The following DNAH5 variants were observed in gnomAD, a reference collection of about 807,000 sequenced individuals.
DNAH5 encodes dynein axonemal heavy chain 5.
In DNAH5, 372 loss-of-function variants were observed where a neutral mutation model predicts 518.2. The observed-to-expected ratio is 0.72, with a 90% CI of 0.66 to 0.78. The LOEUF is 0.78. Ranked by LOEUF, DNAH5 falls within the 30% of genes least tolerant of loss-of-function variation. The probability of loss-of-function intolerance (pLI) is 0.00; values close to 1 mark genes in which losing one functional copy is unlikely to be tolerated. For synonymous variants in DNAH5, 2,039 were observed against 2,025.9 expected (o/e 1.01, Z -0.17); for missense variants, 5,523 against 5,687.0 (o/e 0.97, Z 0.93).
intron 19 of DNAH5, among the ~76,000 whole-genome samples, chr5:13,883,304 T>C (rs1188532333): frequency 1.3e-5 from 2 of 152,092 alleles, no homozygotes; most frequent in Non-Finnish European, 2.9e-5. Flanking sequence ...TTTTTTGCTG[T>C]TTACAGCTTC....
intron 78 of DNAH5, among the ~76,000 whole-genome samples, chr5:13,698,049 T>C (rs138797871): frequency 2.6e-5 from 4 of 152,342 alleles, no homozygotes; most frequent in Admixed American, 2.0e-4. Flanking sequence ...GCCAGTGAGA[T>C]AGTTATTGCA....
chr5:13,898,502 T>A (rs1774183930), intron 15 of DNAH5: 3 of 398,446 alleles, frequency 7.5e-6, no homozygotes, highest in Non-Finnish European at 1.3e-5. Context: ...CCAATACAAC[T>A]TTTTAATATG....
At chr5:13,795,218 G>C (rs750064902) in intron 47 of DNAH5, among the ~76,000 whole-genome samples, 7 of 152,034 alleles carry the variant, frequency 4.6e-5, no homozygotes, top group Non-Finnish European at 8.8e-5. Flanking sequence ...AACTGAAAGA[G>C]ACAGACACAC....
rs764618944 is a variant in DNAH5 at position 13,762,870 on chromosome 5, A to G, written c.10133T>C (p.Val3378Ala). 2 of 1,613,882 alleles carry G rather than the reference A, an allele frequency of 1.2e-6. No individual in the cohort carries two copies. The highest frequency in any genetic ancestry group is 1.7e-6 in the Non-Finnish European group (2 of 1,179,828). The change falls in exon 60 of 79, where the codon GTG becomes GCG. Residue 3378 changes from valine (V) to alanine (A), a missense_variant. Around this residue, in one of 3 missense-constraint regions of DNAH5, gnomAD observed 5,121 missense variants for 5,223.3 expected, o/e 0.98. Coordinates refer to ENST00000265104, the MANE Select transcript of DNAH5 (RefSeq NM_001369.3). Reference sequence around the variant, plus strand: ...AAAGTAAGGACTCAAAAATTCTATCACCTCTTCATTGATTGTGTCTTTTGG... The same window carrying G: ...AAAGTAAGGACTCAAAAATTCTATCGCCTCTTCATTGATTGTGTCTTTTGG... ...QFPKDTINEE[V>A]IEFLSPYFEM...
intron 75 of DNAH5, among the ~76,000 whole-genome samples, chr5:13,712,271 A>G (rs1197082340): frequency 1.3e-5 from 2 of 152,228 alleles, no homozygotes; most frequent in African/African-American, 4.8e-5. Flanking sequence ...AACCACATGT[A>G]TAAGAATAAA....
chr5:13,814,922 T>C (rs1761254228), intron 42 of DNAH5, 76 bp from the exon 43 acceptor site: 2 of 1,343,836 alleles, frequency 1.5e-6, no homozygotes, highest in Non-Finnish European at 2.1e-6. Flanking sequence ...TTAAAATAGC[T>C]TGAAGAACTA....
chr5:13,734,048 G>A (rs528365108), intron 68 of DNAH5, among the ~76,000 whole-genome samples: 2 of 152,088 alleles, frequency 1.3e-5, no homozygotes, highest in South Asian at 2.1e-4. Flanking sequence ...CAATTCTGAC[G>A]GTCCTGGGAG....
At chr5:13,729,333 G>T in intron 69 of DNAH5, 106 bp downstream of exon 69, 1 of 1,469,766 alleles carries the variant, frequency 6.8e-7, no homozygotes, top group Non-Finnish European at 9.5e-7. Flanking sequence ...CATTTTAAGA[G>T]TGACAATATT....
Position 13,814,804 on chromosome 5 carries a change from A to T in DNAH5, c.7031T>A (p.Ile2344Asn). ...WIILDGPVDA[I>N]WIENLNSVLD... The stretch of plus-strand genomic sequence containing the variant: ...AACAGAATTCAGATTTTCAATCCAG[A>T]TGGCATCTACTGGACCATCAAGAAT... The change falls in exon 43 of 79, where the codon ATC (isoleucine) becomes AAC (asparagine). Residue 2344 changes from isoleucine to asparagine, a missense_variant. By Grantham distance (149) the Ile-to-Asn change is moderately radical (BLOSUM62 -3). Transcript: ENST00000265104. The T allele has an allele frequency of 1.2e-6, 2 of 1,613,920 alleles. No homozygotes were observed. The highest frequency in any genetic ancestry group is 1.7e-6 in the Non-Finnish European group (2 of 1,179,918).
intron 1 of DNAH5, among the ~76,000 whole-genome samples, chr5:13,931,723 T>C (rs1778445622): frequency 6.6e-6 from 1 of 152,228 alleles, no homozygotes; most frequent in South Asian, 2.1e-4. Context: ...TCTTTAACTA[T>C]CAATTGTTAA....
intron 1 of DNAH5, among the ~76,000 whole-genome samples, chr5:13,993,889 T>C (rs912173653): frequency 3.9e-5 from 6 of 152,188 alleles, no homozygotes; most frequent in Non-Finnish European, 8.8e-5. Flanking sequence ...CCTCCAGCTG[T>C]GACCTTCCTC....
At chr5:13,815,266 C>T (rs532038044) in intron 42 of DNAH5, among the ~76,000 whole-genome samples, 13 of 152,040 alleles carry the variant, frequency 8.6e-5, no homozygotes, top group African/African-American at 2.2e-4. Context: ...ATAAGGTGGT[C>T]GATAAGATAT....
At chr5:13,833,511 T>TAAC (rs1333664445) in intron 35 of DNAH5, among the ~76,000 whole-genome samples, 1 of 150,184 alleles carries the variant, frequency 6.7e-6, no homozygotes, top group Non-Finnish European at 1.5e-5. Context: ...ATAATAATAA[T>TAAC]AACAAACATT....
At chr5:13,845,102 A>G in intron 31 of DNAH5, 109 bp from the exon 32 acceptor site, 1 of 1,079,230 alleles carries the variant, frequency 9.3e-7, no homozygotes, top group South Asian at 1.4e-5. Context: ...ACTTGTGACA[A>G]TCTGATTTTC....
At chr5:13,797,398 T>C (rs1281813183) in intron 47 of DNAH5, among the ~76,000 whole-genome samples, 2 of 152,106 alleles carry the variant, frequency 1.3e-5, no homozygotes, top group Admixed American at 6.5e-5. Context: ...GCAAAGGATA[T>C]GGATAGACAC....
At chr5:13,759,941 A>G (rs1751550499) in intron 60 of DNAH5, among the ~76,000 whole-genome samples, 1 of 152,228 alleles carries the variant, frequency 6.6e-6, no homozygotes, top group South Asian at 2.1e-4. Flanking sequence ...ATTTTGGCAG[A>G]ATAAATCTTT....
At chr5:13,787,208 A>C (rs1756176918) in intron 51 of DNAH5, among the ~76,000 whole-genome samples, 1 of 152,144 alleles carries the variant, frequency 6.6e-6, no homozygotes. Flanking sequence ...TGTTTCAAAA[A>C]AAAAAAAAAG....
At position 13,793,567 on chromosome 5, in the gene DNAH5, G is replaced by A; in HGVS notation, c.8172C>T (p.Phe2724=). ...AGGGCAACGTGCAATTAAATATAGA[G>A]AACTGCCTCTTGAGTCTTTGGGGTA... ...NDIPQRLKRQ[F]SIFNCTLPSE... The change falls in exon 49 of 79, where the codon TTC becomes TTT. Residue 2724 remains phenylalanine, a synonymous_variant. Transcript: ENST00000265104. The A allele has an allele frequency of 6.2e-7, 1 of 1,614,092 alleles. No homozygotes were observed. The highest frequency in any genetic ancestry group is 2.2e-5 in the East Asian group (1 of 44,872).
At chr5:13,921,750 A>ACC (rs70964521) in intron 5 of DNAH5, among the ~76,000 whole-genome samples, 40,837 of 133,944 alleles carry the variant, frequency 0.3, 6,905 homozygotes, top group African/African-American at 0.35. Context: ...GCCCACACAC[A>ACC]CCCCCCCACA....
Sources: gnomAD v4.1 joint callset for allele counts (sites outside exome capture counted in the v4.1 genomes callset) on GRCh38, gnomAD v4.1.1 for gene constraint, gnomAD v4.1.1 regional missense constraint, MANE v1.5 for transcripts, NCBI Gene and HGNC (gene_info 2026-07-23, HGNC 2026-07-21) for gene names.